The following RBMS3 variants were observed in gnomAD, a reference collection of about 807,000 sequenced individuals.
RBMS3 encodes the protein RNA binding motif single stranded interacting protein 3, also known as RNA-binding motif, single-stranded-interacting protein 3.
In RBMS3, 27 loss-of-function variants were observed where a neutral mutation model predicts 66.8. The observed-to-expected ratio is 0.40, with a 90% CI of 0.30 to 0.56. The LOEUF is 0.56. Ranked by LOEUF, RBMS3 falls within the 20% of genes least tolerant of loss-of-function variation. The pLI, the probability that RBMS3 is intolerant of heterozygous loss-of-function variation, is 0.40. For synonymous variants in RBMS3, 188 were observed against 183.0 expected (o/e 1.03, Z -0.22); for missense variants, 513 against 549.5 (o/e 0.93, Z 0.66).
At chr3:29,944,313 G>GT in intron 12 of RBMS3, 59 bp downstream of exon 12, 1 of 1,437,488 alleles carries the variant, frequency 7.0e-7, no homozygotes, top group Non-Finnish European at 9.8e-7. Flanking sequence ...AGGTTGCCTG[G>GT]TTTTTTCCCA....
intron 1 of RBMS3, among the ~76,000 whole-genome samples, chr3:29,398,791 C>A (rs57953429): frequency 6.6e-6 from 1 of 151,864 alleles, no homozygotes; most frequent in Admixed American, 6.6e-5. Context: ...ACTAAAAGTG[C>A]GAACCTCAAC....
chr3:29,889,532 A>C (rs2059949845), intron 8 of RBMS3, among the ~76,000 whole-genome samples: 1 of 151,662 alleles, frequency 6.6e-6, no homozygotes, highest in Non-Finnish European at 1.5e-5. Flanking sequence ...CTGTGAAATA[A>C]AGATAATAAT....
At chr3:29,325,956 A>G (rs1179319890) in intron 1 of RBMS3, among the ~76,000 whole-genome samples, 2 of 152,128 alleles carry the variant, frequency 1.3e-5, no homozygotes, top group South Asian at 4.1e-4. Flanking sequence ...TCCCCAGGTC[A>G]CCTGGATAGG....
At chr3:29,589,233 C>G (rs534692494) in intron 4 of RBMS3, among the ~76,000 whole-genome samples, 1 of 152,188 alleles carries the variant, frequency 6.6e-6, no homozygotes, top group South Asian at 2.1e-4. Context: ...TTACCCACTC[C>G]CCCGCACCCT....
rs1005945811 is a variant in RBMS3 at position 29,911,853 on chromosome 3, A to T, written c.939+12098A>T. ...AGGCCTTTTCCATTGATGCCATCTT[A>T]GACTAGGACATTTTAAAAATTTATT... On this transcript the variant is annotated intron_variant, in intron 10 of 14. Transcript: ENST00000383767. 3.3e-5 allele frequency among the ~76,000 whole-genome samples: 5 copies of T among 152,196 alleles called. No homozygotes were observed. The Middle Eastern group carries it at 0.01, about 311-fold the overall frequency.
chr3:29,793,925 CAAT>C (rs1269177806), intron 6 of RBMS3, among the ~76,000 whole-genome samples: 1 of 152,160 alleles, frequency 6.6e-6, no homozygotes, highest in Non-Finnish European at 1.5e-5. Flanking sequence ...GCTACCCTAA[CAAT>C]AATAAATGAG....
chr3:29,864,972 G>A lies in RBMS3; in HGVS notation c.638-3886G>A, dbSNP rs1163773208. ...GGGAAGGAAGGAAGAAAGGAAGGAA[G>A]GGAGGGAGGGAGGAAGGAAGGAAGG... On this transcript the variant is annotated intron_variant, in intron 6 of 14. Transcript: ENST00000383767. Among the ~76,000 whole-genome samples, 38 of 105,240 alleles carry A rather than the reference G, an allele frequency of 3.6e-4. 1 individual carries two copies. Among genetic ancestry groups the A allele is most frequent in the African/African-American group, 1.4e-3 (37 of 26,092 alleles). The allele number at this position is 105,240 out of a possible 152,430, so 69.0% of individuals were successfully genotyped here.
chr3:29,928,209 T>TACACACACAC (rs1390644340), intron 10 of RBMS3, among the ~76,000 whole-genome samples: 8 of 102,932 alleles, frequency 7.8e-5, no homozygotes, highest in African/African-American at 2.6e-4. Context: ...TATATATATA[T>TACACACACAC]ATACACACAC....
Position 29,586,966 on chromosome 3 carries a change from G to GGACC in RBMS3, c.308-147_308-144dup, listed in dbSNP as rs1278001271. 7 of 560,676 alleles carry GGACC rather than the reference G, an allele frequency of 1.2e-5. No individual in the cohort carries two copies. The African/African-American group carries it at 1.4e-4, about 11-fold the overall frequency. The allele number at this position is 560,676 out of a possible 1,614,324, so 34.7% of individuals were successfully genotyped here. A position where few individuals can be genotyped will look rare whatever the true frequency, so the allele number is the denominator to read the frequency against. ...GATGTTATCTCTCCCAAAGCATTAA[G>GGACC]GACCACTAATCTAAGAGCCTAATGT... is the stretch of plus-strand genomic sequence containing the variant. On this transcript the variant is annotated intron_variant, in intron 3 of 14. Transcript: ENST00000383767.
intron 6 of RBMS3, among the ~76,000 whole-genome samples, chr3:29,828,476 A>G (rs1410902431): frequency 6.6e-6 from 1 of 152,236 alleles, no homozygotes; most frequent in Non-Finnish European, 1.5e-5. Flanking sequence ...TGCAACAAGC[A>G]TATTATCTTC....
intron 7 of RBMS3, among the ~76,000 whole-genome samples, chr3:29,880,520 C>T (rs1028066695): frequency 6.6e-6 from 1 of 152,050 alleles, no homozygotes. Context: ...AAATCAATTT[C>T]CTTTTTTCCT....
chr3:29,898,772 C>G (rs1001470261), intron 9 of RBMS3, among the ~76,000 whole-genome samples: 1 of 103,680 alleles, frequency 9.6e-6, no homozygotes, highest in Non-Finnish European at 2.0e-5. Flanking sequence ...TGTGTGTTTC[C>G]TTTTTTTTTC....
chr3:29,696,118 A>T (rs17024184), intron 4 of RBMS3, among the ~76,000 whole-genome samples: 85,680 of 152,030 alleles, frequency 0.56, 24,319 homozygotes, highest in African/African-American at 0.63. Context: ...TCTGTAACAA[A>T]GATGGATGGT....
At chr3:29,302,725 A>G (rs950730922) in intron 1 of RBMS3, among the ~76,000 whole-genome samples, 2 of 152,028 alleles carry the variant, frequency 1.3e-5, no homozygotes, top group Non-Finnish European at 1.5e-5. Context: ...AGAAATTTCA[A>G]TCCCAGAGTC....
At chr3:29,362,488 G>A (rs184587568) in intron 1 of RBMS3, among the ~76,000 whole-genome samples, 17 of 152,286 alleles carry the variant, frequency 1.1e-4, no homozygotes, top group African/African-American at 3.4e-4. Context: ...TAGGCTGCTC[G>A]GGGGTCAGGA....
intron 3 of RBMS3, among the ~76,000 whole-genome samples, chr3:29,545,727 A>G (rs1302725000): frequency 6.6e-6 from 1 of 152,024 alleles, no homozygotes; most frequent in African/African-American, 2.4e-5. Context: ...GTTTTTTGCC[A>G]TTGTAGCTAC....
At chr3:29,691,050 A>G (rs2051981997) in intron 4 of RBMS3, among the ~76,000 whole-genome samples, 1 of 152,234 alleles carries the variant, frequency 6.6e-6, no homozygotes, top group Admixed American at 6.5e-5. Context: ...AGAAAATATA[A>G]TCTACCAGAG....
chr3:29,759,411 G>A (rs1351338317), intron 5 of RBMS3, among the ~76,000 whole-genome samples: 1 of 152,140 alleles, frequency 6.6e-6, no homozygotes, highest in Non-Finnish European at 1.5e-5. Context: ...GTATTGTCAG[G>A]TGAATGGTTG....
chr3:29,676,760 TA>T (rs1576498874), intron 4 of RBMS3, among the ~76,000 whole-genome samples: 1 of 152,304 alleles, frequency 6.6e-6, no homozygotes, highest in Admixed American at 6.5e-5. Context: ...AAATACCTTT[TA>T]AAAAATATAC....
Sources: allele counts gnomAD v4.1 joint callset (sites outside exome capture counted in the v4.1 genomes callset), GRCh38; gene constraint gnomAD v4.1.1; transcripts MANE v1.5; gene names NCBI Gene and HGNC (gene_info 2026-07-23, HGNC 2026-07-21).